Variants in CFAP44 observed in about 807,000 individuals in gnomAD.
The protein encoded by CFAP44 is cilia- and flagella-associated protein 44.
A neutral mutation model predicts 216.2 loss-of-function variants in CFAP44; 134 were observed. The ratio of observed to expected loss-of-function variants is 0.62; its 90% CI spans 0.54 to 0.72. CFAP44 has a LOEUF of 0.72. Among genes scored for constraint, CFAP44 ranks in the 30% least tolerant of loss-of-function variants. The probability of loss-of-function intolerance (pLI) is 0.00; values close to 1 mark genes in which losing one functional copy is unlikely to be tolerated. For missense variants in CFAP44, 2,035 were observed against 2,182.1 expected (o/e 0.93, Z 1.34); for synonymous variants, 700 against 727.6 (o/e 0.96, Z 0.61).
chr3:113,295,975 G>C (rs906713568), intron 33 of CFAP44, among the ~76,000 whole-genome samples: 6 of 152,138 alleles, frequency 3.9e-5, no homozygotes, highest in Admixed American at 2.0e-4. Flanking sequence ...GTAATAGTGA[G>C]GTTTGGGTTT....
At chr3:113,301,612 A>C (rs1464092440) in intron 32 of CFAP44, among the ~76,000 whole-genome samples, 1 of 152,200 alleles carries the variant, frequency 6.6e-6, no homozygotes, top group Non-Finnish European at 1.5e-5. Flanking sequence ...GGGCACAACT[A>C]ATTAGGAAAC....
At chr3:113,330,769 A>T (rs1576551508) in intron 25 of CFAP44, 101 bp from the exon 26 acceptor site, 2 of 1,392,016 alleles carry the variant, frequency 1.4e-6, no homozygotes, top group Non-Finnish European at 1.9e-6. Flanking sequence ...CCTAGAAAAA[A>T]TTCAAGATAA....
In CFAP44 at chr3:113,327,881, T is replaced by C. The variant is rs373774028; in HGVS notation, c.4117-62A>G. 6 of 1,431,228 alleles carry C rather than the reference T, an allele frequency of 4.2e-6. No individual in the cohort carries two copies. In the African/African-American group the frequency reaches 7.1e-5, roughly 17 times the overall value. 88.7% of individuals were successfully genotyped at this position (1,431,228 alleles called of 1,614,324 possible). A position where few individuals can be genotyped will look rare whatever the true frequency, so the allele number is the denominator to read the frequency against. ...ACTAGATAAATGCATTTTTAAACTA[T>C]CTAACAGTACTAATTTGTATGAAGT... On this transcript the variant is annotated intron_variant, in intron 26 of 34. Transcript: ENST00000393845.
chr3:113,320,832 C>T (rs1950140182), intron 28 of CFAP44, among the ~76,000 whole-genome samples: 1 of 152,130 alleles, frequency 6.6e-6, no homozygotes, highest in African/African-American at 2.4e-5. Context: ...TCTAGCCACA[C>T]TGTCAGCTAA....
At chr3:113,355,758 A>G (rs148022625) in intron 22 of CFAP44, among the ~76,000 whole-genome samples, 33 of 151,044 alleles carry the variant, frequency 2.2e-4, no homozygotes, top group African/African-American at 7.8e-4. Flanking sequence ...GTACCCTAGA[A>G]TTTAAAGTAT....
At chr3:113,305,549 G>A (rs1414117673) in intron 30 of CFAP44, among the ~76,000 whole-genome samples, 1 of 152,200 alleles carries the variant, frequency 6.6e-6, no homozygotes, top group Non-Finnish European at 1.5e-5. Context: ...CAATGAAACT[G>A]CTAACTATAG....
In CFAP44 at chr3:113,381,045, G is replaced by A. The variant is rs1443728168; in HGVS notation, c.1906C>T (p.Leu636=). 1 of 1,563,354 alleles carries A rather than the reference G, an allele frequency of 6.4e-7. No homozygotes were observed. Among genetic ancestry groups the A allele is most frequent in the Non-Finnish European group, 8.6e-7 (1 of 1,159,844 alleles). The change falls in exon 16 of 35, where the codon CTA becomes TTA. Residue 636 remains leucine, a synonymous_variant. Coordinates refer to ENST00000393845, the MANE Select transcript of CFAP44 (RefSeq NM_001164496.2). ...ATATAGCCATTTTCACAGATAATTAGTAAAGTACTTTCAGGCTAAAAAAGA... is the reference window on the plus strand; with the variant it reads ...ATATAGCCATTTTCACAGATAATTAATAAAGTACTTTCAGGCTAAAAAAGA... The part of the protein sequence containing the change: ...SPMSHPESTL[L]IICENGYILE...
chr3:113,296,229 A>AT (rs1316092153), intron 33 of CFAP44, among the ~76,000 whole-genome samples: 1 of 152,166 alleles, frequency 6.6e-6, no homozygotes. Context: ...ACATGATATC[A>AT]TTTTTTATGG....
At chr3:113,358,396 T>G (rs1181750110) in intron 22 of CFAP44, among the ~76,000 whole-genome samples, 1 of 152,180 alleles carries the variant, frequency 6.6e-6, no homozygotes, top group African/African-American at 2.4e-5. Flanking sequence ...CCTCTGGTTG[T>G]CTTTTGTTTA....
At chr3:113,413,715 CTA>C (rs947563105) in intron 6 of CFAP44, among the ~76,000 whole-genome samples, 9 of 152,092 alleles carry the variant, frequency 5.9e-5, no homozygotes, top group Non-Finnish European at 1.3e-4. Flanking sequence ...CTCCATTGGT[CTA>C]TATGTCTGTT....
chr3:113,383,765 T>A (rs1933575091), intron 15 of CFAP44, among the ~76,000 whole-genome samples: 1 of 152,172 alleles, frequency 6.6e-6, no homozygotes, highest in Admixed American at 6.5e-5. Context: ...TTTTAAAAAA[T>A]TATACTTTAA....
chr3:113,312,992 C>T (rs978918010), intron 28 of CFAP44, among the ~76,000 whole-genome samples: 2 of 152,090 alleles, frequency 1.3e-5, no homozygotes, highest in African/African-American at 4.8e-5. Context: ...ACACAGAGTC[C>T]CTACTGGGGA....
At chr3:113,321,127 A>T (rs192999505) in intron 28 of CFAP44, among the ~76,000 whole-genome samples, 21 of 152,326 alleles carry the variant, frequency 1.4e-4, no homozygotes, top group Admixed American at 1.4e-3. Context: ...TATTCAAAAC[A>T]TACTAGCAAA....
intron 4 of CFAP44, among the ~76,000 whole-genome samples, chr3:113,424,858 C>G (rs993893864): frequency 6.6e-6 from 1 of 152,206 alleles, no homozygotes; most frequent in South Asian, 2.1e-4. Context: ...TTGTCTAATA[C>G]AGACCCTCCC....
At chr3:113,303,549 G>A (rs1949958120) in intron 32 of CFAP44, among the ~76,000 whole-genome samples, 1 of 152,176 alleles carries the variant, frequency 6.6e-6, no homozygotes, top group Non-Finnish European at 1.5e-5. Context: ...CATACCTGGT[G>A]GTGAACCCCG....
Position 113,287,104 on chromosome 3 carries a change from C to A in CFAP44, c.*4453G>T, listed in dbSNP as rs1000493678. 1 of 533,840 alleles carries A rather than the reference C, an allele frequency of 1.9e-6. No homozygotes were observed. Among genetic ancestry groups the A allele is most frequent in the South Asian group, 1.5e-5 (1 of 65,306 alleles). The allele number at this position is 533,840 out of a possible 1,614,324, so 33.1% of individuals were successfully genotyped here. A position where few individuals can be genotyped will look rare whatever the true frequency, so the allele number is the denominator to read the frequency against. ...TAACAGGAGTCACCCAGGAAAGCAC[C>A]GCACAGGCTGGCGCGGGACAGACTC... On this transcript the variant is annotated 3_prime_UTR_variant, in exon 35 of 35. Coordinates refer to ENST00000393845, the MANE Select transcript of CFAP44 (RefSeq NM_001164496.2).
intron 22 of CFAP44, among the ~76,000 whole-genome samples, chr3:113,350,779 G>A (rs1222524130): frequency 1.1e-4 from 16 of 152,214 alleles, no homozygotes; most frequent in Admixed American, 1.0e-3. Context: ...CACCTCACCA[G>A]GTCAGAAATA....
chr3:113,405,221 G>A (rs996823215), intron 8 of CFAP44, among the ~76,000 whole-genome samples: 8 of 152,096 alleles, frequency 5.3e-5, no homozygotes, highest in Middle Eastern at 3.4e-3. Context: ...CAACCCTACC[G>A]ACTTTACTGA....
rs142304373 is a variant in CFAP44, at chr3:113,371,682, C to T, written c.2444+1729G>A. ...GACATAGGCATGGGCAAAGACTTCACGTCTAAAACACCAAAAGCAATGGCA... is the reference window on the plus strand; with the variant it reads ...GACATAGGCATGGGCAAAGACTTCATGTCTAAAACACCAAAAGCAATGGCA... On this transcript the variant is annotated intron_variant, in intron 18 of 34. Transcript: ENST00000393845. Among the ~76,000 whole-genome samples, 1,304 of 152,146 alleles carry T rather than the reference C, an allele frequency of 8.6e-3. 21 individuals are homozygous for T. The highest frequency in any genetic ancestry group is 0.03 in the African/African-American group (1,246 of 41,500).
Sources: gnomAD v4.1 joint callset for allele counts (sites outside exome capture counted in the v4.1 genomes callset) on GRCh38, gnomAD v4.1.1 for gene constraint, MANE v1.5 for transcripts, NCBI Gene and HGNC (gene_info 2026-07-23, HGNC 2026-07-21) for gene names.